ESR2: variants seen among roughly 807,000 people sequenced by gnomAD.
ESR2 encodes estrogen receptor beta.
A neutral mutation model predicts 49.6 loss-of-function variants in ESR2; 36 were observed. That is an observed-to-expected ratio of 0.73 (90% CI 0.56 to 0.96). ESR2 has a LOEUF of 0.96. ESR2 is among the 40% of genes least tolerant of loss of function. The pLI is 0.00. For synonymous variants in ESR2, 320 were observed against 266.1 expected (o/e 1.20, Z -1.97); for missense variants, 714 against 693.0 (o/e 1.03, Z -0.34).
chr14:64,228,055 TA>T, downstream of ESR2: 1 of 1,401,764 alleles, frequency 7.1e-7, no homozygotes, highest in South Asian at 1.7e-5. Context: ...CCTGTGGTCA[TA>T]AATCAATCAC....
At chr14:64,268,685 A>C in intron 4 of ESR2, 110 bp downstream of exon 4, 2 of 697,500 alleles carry the variant, frequency 2.9e-6, no homozygotes, top group Non-Finnish European at 5.1e-6. Context: ...GCAAATACTT[A>C]ATTACTATGT....
intron 7 of ESR2, among the ~76,000 whole-genome samples, chr14:64,236,593 C>T (rs1314758326): frequency 6.6e-6 from 1 of 152,138 alleles, no homozygotes; most frequent in African/African-American, 2.4e-5. Flanking sequence ...TCCCACCACA[C>T]CTCGCCTTGA....
chr14:64,243,838 C>T (rs932855419), intron 7 of ESR2, among the ~76,000 whole-genome samples: 3 of 152,130 alleles, frequency 2.0e-5, no homozygotes, highest in African/African-American at 4.8e-5. Context: ...TAAGCATGGG[C>T]AGATTAGCAC....
intron 1 of ESR2, among the ~76,000 whole-genome samples, chr14:64,292,526 C>A (rs1183676896): frequency 2.6e-5 from 4 of 152,146 alleles, no homozygotes; most frequent in Non-Finnish European, 4.4e-5. Context: ...GTGCTAGACA[C>A]TGAATTATGA....
chr14:64,246,226 C>T (rs2075852006), intron 7 of ESR2, among the ~76,000 whole-genome samples: 2 of 152,184 alleles, frequency 1.3e-5, no homozygotes, highest in Admixed American at 6.5e-5. Context: ...GAATTGTAAT[C>T]TCCATAATCC....
intron 1 of ESR2, chr14:64,330,066 C>T (rs923507850): frequency 6.6e-6 from 1 of 151,848 alleles, no homozygotes; most frequent in Non-Finnish European, 1.5e-5. Flanking sequence ...AGTGAGCCAA[C>T]ATCCTGCCAC....
At chr14:64,283,769 A>G (rs1448795604) in intron 1 of ESR2, among the ~76,000 whole-genome samples, 3 of 130,658 alleles carry the variant, frequency 2.3e-5, no homozygotes, top group South Asian at 2.4e-4. Context: ...AAAAAAAAAA[A>G]AAAGAGAGAA....
At chr14:64,243,371 AGT>A (rs2075779163) in intron 7 of ESR2, among the ~76,000 whole-genome samples, 1 of 152,246 alleles carries the variant, frequency 6.6e-6, no homozygotes, top group South Asian at 2.1e-4. Context: ...AATATTGCAA[AGT>A]GTTATCAAAA....
intron 7 of ESR2, among the ~76,000 whole-genome samples, chr14:64,245,024 G>A (rs2075818708): frequency 6.6e-6 from 1 of 152,010 alleles, no homozygotes; most frequent in Admixed American, 6.5e-5. Flanking sequence ...TTTAAGGCGG[G>A]GAGGCAGATT....
At position 64,235,120 on chromosome 14, in the gene ESR2, T is replaced by C. The variant is rs752438967; in HGVS notation, c.1256A>G (p.Asp419Gly). The stretch of plus-strand genomic sequence containing the variant: ...AGCCAGCTTCCGGCTGCTGTCAGCA[T>C]CCTGGGTCGCTGTGACCAGAGGGTA... The part of the protein sequence containing the change: ...SMYPLVTATQ[D>G]ADSSRKLAHL... The change falls in exon 8 of 9, where the codon GAT becomes GGT. Residue 419 changes from aspartate (D) to glycine (G), a missense_variant. By Grantham distance (94) the Asp-to-Gly change is moderately conservative. Coordinates refer to ENST00000341099, the MANE Select transcript of ESR2 (RefSeq NM_001437.3). 3.7e-6 allele frequency: 6 copies of C among 1,614,030 alleles called. No homozygotes were observed. Among genetic ancestry groups the C allele is most frequent in the Non-Finnish European group, 5.1e-6 (6 of 1,180,026 alleles).
chr14:64,294,059 C>T lies in ESR2; in HGVS notation c.-117G>A, dbSNP rs1388954870. On this transcript the variant is annotated 5_prime_UTR_variant, in exon 1 of 9. Coordinates refer to ENST00000341099, the MANE Select transcript of ESR2 (RefSeq NM_001437.3). The stretch of plus-strand genomic sequence containing the variant: ...TTGCAGATAAACACACCGGCCTTGC[C>T]TTCTCTAAAATGCGGACACGTGCTT... 6.6e-6 allele frequency: 1 copy of T among 152,278 alleles called. No individual in the cohort carries two copies. The highest frequency in any genetic ancestry group is 1.5e-5 in the Non-Finnish European group (1 of 68,070). The allele number at this position is 152,278 out of a possible 1,614,324, so 9.4% of individuals were successfully genotyped here.
At chr14:64,322,518 G>GA (rs35866794) in intron 1 of ESR2, among the ~76,000 whole-genome samples, 1,226 of 86,434 alleles carry the variant, frequency 0.014, 12 homozygotes, top group East Asian at 0.026. Context: ...CCACAGAAAG[G>GA]AAAAAAAAAA....
In ESR2 at chr14:64,282,997, A is replaced by G; in HGVS notation, c.-12T>C. 6.2e-7 allele frequency: 1 copy of G among 1,603,046 alleles called. No homozygotes were observed. Among genetic ancestry groups the G allele is most frequent in the Non-Finnish European group, 8.5e-7 (1 of 1,173,794 alleles). ...TTTTTTATATCCATGTCTTGAGATA[A>G]CAGCTGAGAAAACACCTTGCAAGAA... On this transcript the variant is annotated 5_prime_UTR_variant, in exon 2 of 9. Coordinates refer to ENST00000341099, the MANE Select transcript of ESR2 (RefSeq NM_001437.3).
intron 1 of ESR2, among the ~76,000 whole-genome samples, chr14:64,313,530 CAAA>C (rs60380584): frequency 9.3e-6 from 1 of 107,448 alleles, no homozygotes; most frequent in Non-Finnish European, 1.9e-5. Flanking sequence ...GAGGCTCTGT[CAAA>C]AAAAAAAAAA....
At chr14:64,337,802 T>C (rs569459415) in intron 1 of ESR2, 1 of 152,342 alleles carries the variant, frequency 6.6e-6, no homozygotes, top group South Asian at 2.1e-4. Flanking sequence ...CTGTTTTACA[T>C]GAGCTCTGCC....
intron 3 of ESR2, among the ~76,000 whole-genome samples, chr14:64,270,699 G>A (rs964145437): frequency 3.3e-5 from 5 of 152,134 alleles, no homozygotes; most frequent in African/African-American, 9.7e-5. Context: ...TAGTAGAGAC[G>A]GGGTTTGGCC....
At chr14:64,240,927 G>C (rs1029450334) in intron 7 of ESR2, among the ~76,000 whole-genome samples, 3 of 151,786 alleles carry the variant, frequency 2.0e-5, no homozygotes, top group African/African-American at 7.3e-5. Context: ...GGCGGATCAC[G>C]AGATCAGGAG....
chr14:64,285,796 C>T (rs2140832041), intron 1 of ESR2, among the ~76,000 whole-genome samples: 1 of 137,298 alleles, frequency 7.3e-6, no homozygotes, highest in South Asian at 2.3e-4. Flanking sequence ...CACTGCACTC[C>T]AGCCCAGGTG....
chr14:64,241,039 G>A (rs949625361), intron 7 of ESR2, among the ~76,000 whole-genome samples: 9 of 151,364 alleles, frequency 5.9e-5, no homozygotes, highest in Admixed American at 1.3e-4. Flanking sequence ...CCAGCTACTG[G>A]GGAGGCTGAG....
Sources: gnomAD v4.1 joint callset for allele counts (sites outside exome capture counted in the v4.1 genomes callset) on GRCh38, gnomAD v4.1.1 for gene constraint, MANE v1.5 for transcripts, NCBI Gene and HGNC (gene_info 2026-07-23, HGNC 2026-07-21) for gene names.